AP1M1: variants seen among roughly 807,000 people sequenced by gnomAD.
AP1M1 encodes AP-1 complex subunit mu-1.
A neutral mutation model predicts 57.1 loss-of-function variants in AP1M1; 18 were observed. The ratio of observed to expected loss-of-function variants is 0.32; its 90% CI spans 0.22 to 0.47. The LOEUF is 0.47. Among genes scored for constraint, AP1M1 ranks in the 20% least tolerant of loss-of-function variants. The pLI, the probability that AP1M1 is intolerant of heterozygous loss-of-function variation, is 1.00. For synonymous variants in AP1M1, 241 were observed against 237.9 expected (o/e 1.01, Z -0.12); for missense variants, 362 against 593.5 (o/e 0.61, Z 4.05).
chr19:16,243,976 G>C lies in AP1M1; in HGVS notation c.*9541G>C, dbSNP rs2091654163. ...TAATTAGAGAATATTTTTCAATCTG[G>C]ATGCAGGTGACATGGGTGTGCTCTC... is the stretch of plus-strand genomic sequence containing the variant. On this transcript the variant is annotated 3_prime_UTR_variant, in exon 12 of 12. Coordinates refer to ENST00000291439, the MANE Select transcript of AP1M1 (RefSeq NM_032493.4). The C allele has an allele frequency of 6.6e-6, 1 of 152,146 alleles. No homozygotes were observed. Among genetic ancestry groups the C allele is most frequent in the Non-Finnish European group, 1.5e-5 (1 of 68,040 alleles). 9.4% of individuals were successfully genotyped at this position (152,146 alleles called of 1,614,324 possible).
chr19:16,228,809 G>T lies in AP1M1; in HGVS notation c.928G>T (p.Val310Leu), dbSNP rs774173547. Residue 310 changes from valine to leucine, a missense_variant, in exon 9 of 12, where the codon GTG becomes TTG. Physicochemically the swap from Val to Leu is conservative, Grantham distance 32. Around this residue, in one of 2 missense-constraint regions of AP1M1, gnomAD observed 337 missense variants for 511.1 expected, o/e 0.66. Transcript: ENST00000291439. The surrounding 1 kb of genome is among the most constrained non-coding windows in gnomAD (Gnocchi z 5.0). ...CAAGCGGCGGTCAACAGCCAACAAC[G>T]TGGAGATCCACATTCCCGTGCCCAA... ...QFKRRSTANNVEIHIPVPNDA... is the reference protein window; with the variant it reads ...QFKRRSTANNLEIHIPVPNDA... The T allele has an allele frequency of 1.2e-6, 2 of 1,613,996 alleles. No homozygotes were observed. Among genetic ancestry groups the T allele is most frequent in the Admixed American group, 1.7e-5 (1 of 60,002 alleles).
chr19:16,203,394 G>T lies in AP1M1; in HGVS notation c.43-65G>T, dbSNP rs963537590. 8 of 1,577,958 alleles carry T rather than the reference G, an allele frequency of 5.1e-6. No individual in the cohort carries two copies. Among genetic ancestry groups the T allele is most frequent in the Non-Finnish European group, 8.7e-7 (1 of 1,149,606 alleles). ...AGCAGGGTGGTGCATCTCACCCCCT[G>T]CCCCAAGCCCCCAGATTGTAGAACT... On this transcript the variant is annotated intron_variant, in intron 1 of 11. Transcript: ENST00000291439. This position sits in a 1 kb window ranked among gnomAD's most constrained non-coding sequence, Gnocchi z 4.6.
intron 6 of AP1M1, 173 bp downstream of exon 6, chr19:16,226,720 C>CCTTCT: frequency 6.8e-6 from 6 of 876,088 alleles, no homozygotes; most frequent in Non-Finnish European, 1.0e-5. Context: ...CTTCCCTGGA[C>CCTTCT]ATAGAAGGTG....
chr19:16,232,567 C>T (rs986804574), intron 9 of AP1M1, among the ~76,000 whole-genome samples: 5 of 152,228 alleles, frequency 3.3e-5, no homozygotes, highest in African/African-American at 1.2e-4. Flanking sequence ...CCCCGTCATC[C>T]TCCTGGAGTC....
Position 16,233,489 on chromosome 19 carries a change from C to A in AP1M1, c.1048-4C>A. 4 of 1,598,414 alleles carry A rather than the reference C, an allele frequency of 2.5e-6. No homozygotes were observed. The highest frequency in any genetic ancestry group is 2.2e-5 in the East Asian group (1 of 44,458). On this transcript the variant is annotated splice_polypyrimidine_tract_variant and splice_region_variant and intron_variant, in intron 9 of 11. Coordinates refer to ENST00000291439, the MANE Select transcript of AP1M1 (RefSeq NM_032493.4). ...CCTGAGCGCCTCCCCCGTCTGCTCC[C>A]CAGGGCGGCAAGGAGTACCTGATGC...
In AP1M1 at chr19:16,197,983, G is replaced by GCCGCCA. The variant is rs746915074; in HGVS notation, c.-38_-33dup. On this transcript the variant is annotated 5_prime_UTR_variant, in exon 1 of 12. Transcript: ENST00000291439. Reference sequence around the variant, plus strand: ...CCCAGCAGTCCCCACCGTCGCTGCCGCCGCCACCGCCCTCGGCCGCTGCCG... The same window carrying GCCGCCA: ...CCCAGCAGTCCCCACCGTCGCTGCCGCCGCCACCGCCACCGCCCTCGGCCGCTGCCG... The GCCGCCA allele has an allele frequency of 6.5e-7, 1 of 1,533,592 alleles. No homozygotes were observed. The highest frequency in any genetic ancestry group is 8.8e-7 in the Non-Finnish European group (1 of 1,141,120). 95.0% of individuals were successfully genotyped at this position (1,533,592 alleles called of 1,614,324 possible). A position where few individuals can be genotyped will look rare whatever the true frequency, so the allele number is the denominator to read the frequency against.
intron 5 of AP1M1, among the ~76,000 whole-genome samples, chr19:16,216,362 G>A (rs978751213): frequency 1.4e-4 from 21 of 151,780 alleles, no homozygotes; most frequent in Admixed American, 4.6e-4. Context: ...GGAGAATGGC[G>A]TGAACCCAGG....
At position 16,214,909 on chromosome 19, in the gene AP1M1, C is replaced by T. The variant is rs1436075622; in HGVS notation, c.546+5732C>T. Among the ~76,000 whole-genome samples the T allele has an allele frequency of 2.0e-5, 3 of 151,798 alleles. No individual in the cohort carries two copies. The South Asian group carries it at 6.2e-4, about 32-fold the overall frequency. On this transcript the variant is annotated intron_variant, in intron 5 of 11. Coordinates refer to ENST00000291439, the MANE Select transcript of AP1M1 (RefSeq NM_032493.4). ...GACTATAGGCAGGTACCACCACACC[C>T]GGCTAATGTATATGTTTTTGGTAGA...
rs1351773371 is a variant in AP1M1 at position 16,227,777 on chromosome 19, C to A, written c.816+87C>A. 3 of 1,486,372 alleles carry A rather than the reference C, an allele frequency of 2.0e-6. No individual in the cohort carries two copies. Among genetic ancestry groups the A allele is most frequent in the African/African-American group, 2.8e-5 (2 of 72,586 alleles). 92.1% of individuals were successfully genotyped at this position (1,486,372 alleles called of 1,614,324 possible). A position where few individuals can be genotyped will look rare whatever the true frequency, so the allele number is the denominator to read the frequency against. ...GGTGAAGCCCAGGCAGGCGCCAGGGCCAGCCCCACCCCACGCTCCATGAGC... is the reference window on the plus strand; with the variant it reads ...GGTGAAGCCCAGGCAGGCGCCAGGGACAGCCCCACCCCACGCTCCATGAGC... On this transcript the variant is annotated intron_variant, in intron 7 of 11. Transcript: ENST00000291439. This position sits in a 1 kb window ranked among gnomAD's most constrained non-coding sequence, Gnocchi z 6.2.
rs1226870739 is a variant in AP1M1, at chr19:16,234,981, C to G, written c.*546C>G. 3 of 155,246 alleles carry G rather than the reference C, an allele frequency of 1.9e-5. No individual in the cohort carries two copies. The highest frequency in any genetic ancestry group is 7.2e-5 in the African/African-American group (3 of 41,480). 9.6% of individuals were successfully genotyped at this position (155,246 alleles called of 1,614,324 possible). A position where few individuals can be genotyped will look rare whatever the true frequency, so the allele number is the denominator to read the frequency against. On this transcript the variant is annotated 3_prime_UTR_variant, in exon 12 of 12. Coordinates refer to ENST00000291439, the MANE Select transcript of AP1M1 (RefSeq NM_032493.4). Reference sequence around the variant, plus strand: ...GCACTCAGGAAGCACTTGGTGAGGACGAGCCCTCACCCTTCTTGTCTTCCT... The same window carrying G: ...GCACTCAGGAAGCACTTGGTGAGGAGGAGCCCTCACCCTTCTTGTCTTCCT...
intron 5 of AP1M1, among the ~76,000 whole-genome samples, chr19:16,215,200 C>CGGGGGGGGGGAGGGGGGGGG (rs2091512879): frequency 1.4e-4 from 1 of 7,370 alleles, no homozygotes; most frequent in South Asian, 4.7e-3. Context: ...AAGGCGGGGG[C>CGGGGGGGGGGAGGGGGGGGG]GGGGGGGGGG....
intron 1 of AP1M1, among the ~76,000 whole-genome samples, chr19:16,202,341 GCCATGC>G (rs1200750956): frequency 6.6e-6 from 1 of 152,194 alleles, no homozygotes; most frequent in Non-Finnish European, 1.5e-5. Context: ...TCCAACCGCA[GCCATGC>G]CCAGGCTAGC....
Position 16,208,008 on chromosome 19 carries a change from A to C in AP1M1, c.268-11A>C, listed in dbSNP as rs749694906. On this transcript the variant is annotated splice_polypyrimidine_tract_variant and intron_variant, in intron 3 of 11. Transcript: ENST00000291439. Reference sequence around the variant, plus strand: ...GCCTCCCATTCCTCCCTCCCTCCCCAACCGCCACAGGTGTTTTCCGAGTAC... The same window carrying C: ...GCCTCCCATTCCTCCCTCCCTCCCCCACCGCCACAGGTGTTTTCCGAGTAC... 2 of 1,606,786 alleles carry C rather than the reference A, an allele frequency of 1.2e-6. No homozygotes were observed.
In AP1M1 at chr19:16,235,995, C is replaced by T. The variant is rs551138030; in HGVS notation, c.*1560C>T. The stretch of plus-strand genomic sequence containing the variant: ...TAACAGCCTGAGTAGAACCTTCCGC[C>T]CACGTAGGTCTTCCCCATCTCAGTC... On this transcript the variant is annotated 3_prime_UTR_variant, in exon 12 of 12. Coordinates refer to ENST00000291439, the MANE Select transcript of AP1M1 (RefSeq NM_032493.4). 1.3e-5 allele frequency: 2 copies of T among 152,434 alleles called. No individual in the cohort carries two copies. Among genetic ancestry groups the T allele is most frequent in the African/African-American group, 4.8e-5 (2 of 41,554 alleles). The allele number at this position is 152,434 out of a possible 1,614,324, so 9.4% of individuals were successfully genotyped here.
At chr19:16,216,114 C>G (rs549775960) in intron 5 of AP1M1, among the ~76,000 whole-genome samples, 1 of 152,194 alleles carries the variant, frequency 6.6e-6, no homozygotes, top group South Asian at 2.1e-4. Context: ...TTTCAATGTT[C>G]CTAATCTCAA....
Position 16,203,523 on chromosome 19 carries a change from T to C in AP1M1, c.107T>C (p.Ile36Thr), listed in dbSNP as rs927596999. The C allele has an allele frequency of 6.2e-7, 1 of 1,614,110 alleles. No individual in the cohort carries two copies. The highest frequency in any genetic ancestry group is 8.5e-7 in the Non-Finnish European group (1 of 1,179,994). ...TCAGAGGTGGAGCACTTCATGCCCATCCTGATGGAGAAGGAGGAGGAGGGG... is the reference window on the plus strand; with the variant it reads ...TCAGAGGTGGAGCACTTCATGCCCACCCTGATGGAGAAGGAGGAGGAGGGG... ...DMSEVEHFMPILMEKEEEGML... is the reference protein window; with the variant it reads ...DMSEVEHFMPTLMEKEEEGML... The change falls in exon 2 of 12, where the codon ATC becomes ACC. Residue 36 changes from isoleucine to threonine, a missense_variant. Ile to Thr is a moderately conservative substitution (Grantham distance 89). This residue lies in a region of AP1M1 where 337 missense variants were observed against 511.1 expected (regional missense o/e 0.66). Coordinates refer to ENST00000291439, the MANE Select transcript of AP1M1 (RefSeq NM_032493.4). The surrounding 1 kb of genome is among the most constrained non-coding windows in gnomAD (Gnocchi z 4.6).
Position 16,244,836 on chromosome 19 carries a change from C to T in AP1M1, c.*10401C>T, listed in dbSNP as rs1459697953. 7.2e-6 allele frequency: 1 copy of T among 139,696 alleles called. No homozygotes were observed. Among genetic ancestry groups the T allele is most frequent in the Non-Finnish European group, 1.6e-5 (1 of 64,044 alleles). The allele number at this position is 139,696 out of a possible 1,614,324, so 8.7% of individuals were successfully genotyped here. Reference sequence around the variant, plus strand: ...TGGGCGACAGAGCGAGACTCCGTCTCAAAATAAATAAATAAATAAATAAAT... The same window carrying T: ...TGGGCGACAGAGCGAGACTCCGTCTTAAAATAAATAAATAAATAAATAAAT... On this transcript the variant is annotated 3_prime_UTR_variant, in exon 12 of 12. Coordinates refer to ENST00000291439, the MANE Select transcript of AP1M1 (RefSeq NM_032493.4).
Position 16,233,630 on chromosome 19 carries a change from C to T in AP1M1, c.1173+12C>T, listed in dbSNP as rs777519681. The T allele has an allele frequency of 6.8e-6, 11 of 1,606,842 alleles. No homozygotes were observed. In the East Asian group the frequency reaches 2.2e-4, roughly 33 times the overall value. On this transcript the variant is annotated intron_variant, in intron 10 of 11. Coordinates refer to ENST00000291439, the MANE Select transcript of AP1M1 (RefSeq NM_032493.4). The stretch of plus-strand genomic sequence containing the variant: ...CCTCCGGCATCCAGGTACGTAAGGC[C>T]CAGGCGGCCGGGGCCCAGAACAGGG...
chr19:16,223,271 C>G (rs1230385453), intron 5 of AP1M1, among the ~76,000 whole-genome samples: 1 of 152,106 alleles, frequency 6.6e-6, no homozygotes, highest in Non-Finnish European at 1.5e-5. Context: ...TTCTGGGACC[C>G]GAGTGGTTAG....
Sources: gnomAD v4.1 joint callset for allele counts (sites outside exome capture counted in the v4.1 genomes callset) on GRCh38, gnomAD v4.1.1 for gene constraint, gnomAD v4.1.1 regional missense constraint, Gnocchi (gnomAD v3.1) non-coding constraint, MANE v1.5 for transcripts, NCBI Gene and HGNC (gene_info 2026-07-23, HGNC 2026-07-21) for gene names.